The following SLC26A4 variants were observed in gnomAD, a reference collection of about 807,000 sequenced individuals.
SLC26A4 encodes pendrin.
SLC26A4 carries 93 observed loss-of-function variants against 90.4 expected under a neutral mutation model. That is an observed-to-expected ratio of 1.03 (90% CI 0.87 to 1.22). The LOEUF is 1.22. Among genes scored for constraint, SLC26A4 ranks in the 50% most tolerant of loss-of-function variants. The pLI is 0.00. For missense variants in SLC26A4, 1,127 were observed against 946.2 expected (o/e 1.19, Z -2.51); for synonymous variants, 393 against 354.6 (o/e 1.11, Z -1.22).
At chr7:107,674,919 T>C in intron 5 of SLC26A4, 26 bp from the exon 6 acceptor site, 1 of 1,611,574 alleles carries the variant, frequency 6.2e-7, no homozygotes, top group Non-Finnish European at 8.5e-7. Flanking sequence ...AAACATTTAA[T>C]TTTTCTTTCC....
intron 13 of SLC26A4, 77 bp downstream of exon 13, chr7:107,696,116 T>C (rs1381542588): frequency 1.2e-6 from 1 of 859,872 alleles, no homozygotes. Flanking sequence ...TTGATAAATA[T>C]AGTGAAGCCA....
At chr7:107,670,154 G>A (rs1193350405) in intron 3 of SLC26A4, among the ~76,000 whole-genome samples, 25 of 147,210 alleles carry the variant, frequency 1.7e-4, no homozygotes, top group Non-Finnish European at 3.7e-4. Flanking sequence ...CTGTTGCCCA[G>A]GCTGGAATGC....
chr7:107,693,486 TC>T, intron 10 of SLC26A4: 1 of 985,430 alleles, frequency 1.0e-6, no homozygotes, highest in Non-Finnish European at 1.2e-6. Context: ...AACAAAATCT[TC>T]CCAGTTGTTT....
chr7:107,669,904 C>G (rs1252632877), intron 3 of SLC26A4, among the ~76,000 whole-genome samples: 1 of 152,016 alleles, frequency 6.6e-6, no homozygotes, highest in East Asian at 1.9e-4. Context: ...TAATAAGCAC[C>G]AAATTCAGGA....
intron 10 of SLC26A4, among the ~76,000 whole-genome samples, chr7:107,693,891 T>C (rs1791652926): frequency 6.6e-6 from 1 of 152,224 alleles, no homozygotes; most frequent in South Asian, 2.1e-4. Flanking sequence ...ATTTATTTTC[T>C]CTGAGACTTT....
In SLC26A4 at chr7:107,694,437, T is replaced by A; in HGVS notation, c.1298T>A (p.Ile433Asn). The A allele has an allele frequency of 6.2e-7, 1 of 1,613,776 alleles. No homozygotes were observed. The highest frequency in any genetic ancestry group is 8.5e-7 in the Non-Finnish European group (1 of 1,179,746). ...ATCATCTCTGCTGCGATTGTGATGA[T>A]CGCCATTCTTGCCCTGGGGAAGCTT... The part of the protein sequence containing the change: ...AGIISAAIVM[I>N]AILALGKLLE... The change falls in exon 11 of 21, where the codon ATC becomes AAC. Residue 433 changes from isoleucine to asparagine, a missense_variant. Physicochemically the swap from Ile to Asn is moderately radical, Grantham distance 149 (BLOSUM62 -3). Coordinates refer to ENST00000644269, the MANE Select transcript of SLC26A4 (RefSeq NM_000441.2).
chr7:107,711,404 T>C (rs910480507), intron 19 of SLC26A4, among the ~76,000 whole-genome samples: 24 of 152,186 alleles, frequency 1.6e-4, no homozygotes, highest in African/African-American at 5.8e-4. Context: ...AGGCTATGAA[T>C]GTCATAAAAA....
intron 8 of SLC26A4, among the ~76,000 whole-genome samples, chr7:107,686,433 C>CTT (rs1433193099): frequency 2.4e-5 from 2 of 84,488 alleles, no homozygotes; most frequent in East Asian, 8.2e-4. Flanking sequence ...TTCTTTCTTT[C>CTT]TTTCTTTCTT....
chr7:107,682,125 AAAAAATTT>A (rs1791254006), intron 6 of SLC26A4, among the ~76,000 whole-genome samples: 2 of 140,690 alleles, frequency 1.4e-5, no homozygotes, highest in Non-Finnish European at 3.1e-5. Context: ...AAAAAAAAAA[AAAAAATTT>A]TTTTTATGTT....
intron 18 of SLC26A4, among the ~76,000 whole-genome samples, chr7:107,706,611 C>A (rs543542181): frequency 6.6e-6 from 1 of 152,178 alleles, no homozygotes; most frequent in African/African-American, 2.4e-5. Flanking sequence ...CAGGAAGGAA[C>A]GACTTTTTAT....
chr7:107,679,176 A>G (rs1204746771), intron 6 of SLC26A4, among the ~76,000 whole-genome samples: 1 of 152,222 alleles, frequency 6.6e-6, no homozygotes, highest in East Asian at 1.9e-4. Context: ...CTACTCAGTT[A>G]TCTAAGTAAA....
In SLC26A4 at chr7:107,683,317, A is replaced by G. The variant is rs1160241511; in HGVS notation, c.881A>G (p.His294Arg). The G allele has an allele frequency of 2.5e-6, 4 of 1,613,762 alleles. No homozygotes were observed. The highest frequency in any genetic ancestry group is 1.7e-4 in the Middle Eastern group (1 of 6,040). Residue 294 changes from histidine (H) to arginine (R), a missense_variant, in exon 7 of 21, where the codon CAC becomes CGC. Transcript: ENST00000644269. ...AAGGAATTAAATGATCGGTTTAGAC[A>G]CAAAATCCCAGTCCCTATTCCTATA... ...AVKELNDRFR[H>R]KIPVPIPIEV...
At chr7:107,706,997 G>A (rs912875735) in intron 18 of SLC26A4, among the ~76,000 whole-genome samples, 15 of 152,202 alleles carry the variant, frequency 9.9e-5, no homozygotes, top group South Asian at 2.1e-4. Flanking sequence ...GCAAAACGCC[G>A]TTACTACAAA....
At chr7:107,704,558 A>G (rs1257134191) in intron 18 of SLC26A4, among the ~76,000 whole-genome samples, 173 bp downstream of exon 18, 2 of 152,164 alleles carry the variant, frequency 1.3e-5, no homozygotes, top group Non-Finnish European at 2.9e-5. Flanking sequence ...ATAAAACAGA[A>G]TAAGTGTTCC....
Position 107,701,041 on chromosome 7 carries a change from T to A in SLC26A4, c.1708-60T>A, listed in dbSNP as rs1372412057. ...GAGAAATAGCCTTTCCAGATAACAG[T>A]TGCCATTAATAAGCTTTAGGTGCCA... is the stretch of plus-strand genomic sequence containing the variant. On this transcript the variant is annotated intron_variant, in intron 15 of 20. Coordinates refer to ENST00000644269, the MANE Select transcript of SLC26A4 (RefSeq NM_000441.2). The A allele has an allele frequency of 5.2e-6, 5 of 969,008 alleles. No individual in the cohort carries two copies. The African/African-American group carries it at 8.0e-5, about 15-fold the overall frequency. The allele number at this position is 969,008 out of a possible 1,614,324, so 60.0% of individuals were successfully genotyped here. A position where few individuals can be genotyped will look rare whatever the true frequency, so the allele number is the denominator to read the frequency against.
Position 107,710,049 on chromosome 7 carries a change from T to C in SLC26A4, c.2090-5T>C. On this transcript the variant is annotated splice_polypyrimidine_tract_variant and splice_region_variant and intron_variant, in intron 18 of 20. Coordinates refer to ENST00000644269, the MANE Select transcript of SLC26A4 (RefSeq NM_000441.2). ...CTAACAAAACATTGTGTCTTTCTTT[T>C]GAAGATTATGTGATAGAAAAGCTGG... The C allele has an allele frequency of 6.2e-7, 1 of 1,612,396 alleles. No individual in the cohort carries two copies. Among genetic ancestry groups the C allele is most frequent in the Non-Finnish European group, 8.5e-7 (1 of 1,178,508 alleles).
At chr7:107,706,614 C>CT (rs1234457577) in intron 18 of SLC26A4, among the ~76,000 whole-genome samples, 1 of 152,202 alleles carries the variant, frequency 6.6e-6, no homozygotes, top group Non-Finnish European at 1.5e-5. Flanking sequence ...GAAGGAACGA[C>CT]TTTTTATTCA....
chr7:107,675,868 G>A (rs913198570), intron 6 of SLC26A4, among the ~76,000 whole-genome samples: 26 of 152,116 alleles, frequency 1.7e-4, no homozygotes, highest in African/African-American at 3.1e-4. Context: ...CACCGCGCCC[G>A]GCCTGGGAGC....
chr7:107,674,717 A>G (rs1790974307), intron 5 of SLC26A4, among the ~76,000 whole-genome samples: 1 of 152,346 alleles, frequency 6.6e-6, no homozygotes, highest in South Asian at 2.1e-4. Context: ...AAGTACATGT[A>G]TAGAAATACT....
Sources: allele counts gnomAD v4.1 joint callset (sites outside exome capture counted in the v4.1 genomes callset), GRCh38; gene constraint gnomAD v4.1.1; transcripts MANE v1.5; gene names NCBI Gene and HGNC (gene_info 2026-07-23, HGNC 2026-07-21).